The following VWA1 variants were observed in gnomAD, a reference collection of about 807,000 sequenced individuals.
The protein encoded by VWA1 is von Willebrand factor A domain containing 1.
A neutral mutation model predicts 14.9 loss-of-function variants in VWA1; 12 were observed. The observed-to-expected ratio is 0.80, with a 90% CI of 0.52 to 1.30. The LOEUF is 1.30. Among genes scored for constraint, VWA1 ranks in the 50% most tolerant of loss-of-function variants. The pLI is 0.00. For synonymous variants in VWA1, 368 were observed against 310.7 expected (o/e 1.18, Z -1.94); for missense variants, 800 against 649.1 (o/e 1.23, Z -2.53).
In VWA1 at chr1:1,439,602, C is replaced by CGCAACTG. The variant is rs1381995474; in HGVS notation, c.1154_1160dup (p.Cys387TrpfsTer60). ...GCAGCGGGTGGAGGTGCCCGCGGGC[C>CGCAACTG]GCAACTGCACCACGCTGCAGGGCCT... On this transcript the variant is annotated frameshift_variant, in exon 3 of 3. Coordinates refer to ENST00000476993, the MANE Select transcript of VWA1 (RefSeq NM_022834.5). LOFTEE classifies it low-confidence loss of function (END_TRUNC). The CGCAACTG allele has an allele frequency of 7.7e-7, 1 of 1,300,478 alleles. No individual in the cohort carries two copies. The highest frequency in any genetic ancestry group is 9.8e-7 in the Non-Finnish European group (1 of 1,024,082). The allele number at this position is 1,300,478 out of a possible 1,614,324, so 80.6% of individuals were successfully genotyped here.
At chr1:1,436,183 G>C (rs1226813442) in intron 1 of VWA1, among the ~76,000 whole-genome samples, 6 of 152,186 alleles carry the variant, frequency 3.9e-5, no homozygotes, top group Non-Finnish European at 7.4e-5. Flanking sequence ...TCGCCCCACC[G>C]CACTGGGGAA....
chr1:1,437,805 C>T (rs570013389), intron 2 of VWA1, among the ~76,000 whole-genome samples: 1 of 152,332 alleles, frequency 6.6e-6, no homozygotes, highest in South Asian at 2.1e-4. Context: ...GCTTCCAAGT[C>T]TGGGGACTCT....
Position 1,439,629 on chromosome 1 carries a change from G to A in VWA1, c.1180G>A (p.Ala394Thr). The A allele has an allele frequency of 7.6e-7, 1 of 1,313,550 alleles. No homozygotes were observed. The highest frequency in any genetic ancestry group is 9.7e-7 in the Non-Finnish European group (1 of 1,027,990). The allele number at this position is 1,313,550 out of a possible 1,614,324, so 81.4% of individuals were successfully genotyped here. A position where few individuals can be genotyped will look rare whatever the true frequency, so the allele number is the denominator to read the frequency against. ...CAACTGCACCACGCTGCAGGGCCTG[G>A]CGCCGGGCACCGCCTACCTGGTGAC... The part of the protein sequence containing the change: ...GRNCTTLQGL[A>T]PGTAYLVTVT... The change falls in exon 3 of 3, where the codon GCG (alanine) becomes ACG (threonine). Residue 394 changes from alanine to threonine, a missense_variant. Physicochemically the swap from Ala to Thr is moderately conservative, Grantham distance 58. Transcript: ENST00000476993.
At position 1,441,019 on chromosome 1, in the gene VWA1, C is replaced by T. The variant is rs566724011; in HGVS notation, c.*1232C>T. On this transcript the variant is annotated 3_prime_UTR_variant, in exon 3 of 3. Coordinates refer to ENST00000476993, the MANE Select transcript of VWA1 (RefSeq NM_022834.5). ...GGCTGGGGCCTCTGCAGGGCCATTC[C>T]CACCGCAGTCTCTGCCACGGCCCGG... 7 of 152,134 alleles carry T rather than the reference C, an allele frequency of 4.6e-5. No homozygotes were observed. The South Asian group carries it at 1.5e-3, about 32-fold the overall frequency. 9.4% of individuals were successfully genotyped at this position (152,134 alleles called of 1,614,324 possible).
In VWA1 at chr1:1,439,384, G is replaced by A. The variant is rs1351798333; in HGVS notation, c.935G>A (p.Gly312Asp). ...GGTGAGGCAGGGCCGGGGGCTTCGG[G>A]CCCGGAGTCGGGGGCTGGGCCGGCC... ...RPGEAGPGASGPESGAGPAPT... is the reference protein window; with the variant it reads ...RPGEAGPGASDPESGAGPAPT... The change falls in exon 3 of 3, where the codon GGC becomes GAC. Residue 312 changes from glycine (G) to aspartate (D), a missense_variant. Transcript: ENST00000476993. 1.3e-6 allele frequency: 2 copies of A among 1,487,308 alleles called. No individual in the cohort carries two copies. The highest frequency in any genetic ancestry group is 2.7e-5 in the East Asian group (1 of 37,052). The allele number at this position is 1,487,308 out of a possible 1,614,324, so 92.1% of individuals were successfully genotyped here.
rs561582616 is a variant in VWA1, at chr1:1,441,846, A to T, written c.*2059A>T. ...CAGACTCACATGAGAAGCTGGGAGG[A>T]GCTCCAGCTCTGCAATCCCGAGAGG... On this transcript the variant is annotated 3_prime_UTR_variant, in exon 3 of 3. Transcript: ENST00000476993. The T allele has an allele frequency of 3.3e-5, 5 of 152,216 alleles. No individual in the cohort carries two copies. In the East Asian group the frequency reaches 9.7e-4, roughly 29 times the overall value. 9.4% of individuals were successfully genotyped at this position (152,216 alleles called of 1,614,324 possible).
At chr1:1,438,453 C>T (rs1206394834) in intron 2 of VWA1, among the ~76,000 whole-genome samples, 1 of 152,178 alleles carries the variant, frequency 6.6e-6, no homozygotes, top group Non-Finnish European at 1.5e-5. Flanking sequence ...AGGCACCCAG[C>T]ACTGCAGGAG....
In VWA1 at chr1:1,439,049, C is replaced by T. The variant is rs565323401; in HGVS notation, c.632-32C>T. 5.0e-6 allele frequency: 8 copies of T among 1,585,614 alleles called. No individual in the cohort carries two copies. The Admixed American group carries it at 5.1e-5, about 10-fold the overall frequency. On this transcript the variant is annotated intron_variant, in intron 2 of 2. Coordinates refer to ENST00000476993, the MANE Select transcript of VWA1 (RefSeq NM_022834.5). ...CTCCAGCAGCGGAGGAGGAACTGAC[C>T]GCTGTTCCCTGACCCCCTGCACCAC...
chr1:1,436,952 G>A lies in VWA1; in HGVS notation c.99G>A (p.Gly33=), dbSNP rs756713794. The change falls in exon 2 of 3, where the codon GGG becomes GGA. Residue 33 remains glycine, a synonymous_variant. Coordinates refer to ENST00000476993, the MANE Select transcript of VWA1 (RefSeq NM_022834.5). ...ERGPPASAPR[G]DLMFLLDSSA... The stretch of plus-strand genomic sequence containing the variant: ...GTCCACCAGCATCAGCCCCCCGAGG[G>A]GACCTGATGTTCCTGCTGGACAGCT... 6.2e-7 allele frequency: 1 copy of A among 1,609,350 alleles called. No individual in the cohort carries two copies. The highest frequency in any genetic ancestry group is 8.5e-7 in the Non-Finnish European group (1 of 1,177,584).
chr1:1,435,794 G>C lies in VWA1; in HGVS notation c.46G>C (p.Ala16Pro). The change falls in exon 1 of 3, where the codon GCG becomes CCG. Residue 16 changes from alanine to proline, a missense_variant. Coordinates refer to ENST00000476993, the MANE Select transcript of VWA1 (RefSeq NM_022834.5). The stretch of plus-strand genomic sequence containing the variant: ...CGGCCTGGCCCTGAGCTTGCGGCTG[G>C]CGCTGGCGCGGAGCGGCGCGGAGCG... The part of the protein sequence containing the change: ...ALGLALSLRL[A>P]LARSGAERGP... 8.3e-7 allele frequency: 1 copy of C among 1,207,486 alleles called. No homozygotes were observed. Among genetic ancestry groups the C allele is most frequent in the Non-Finnish European group, 1.0e-6 (1 of 968,810 alleles). The allele number at this position is 1,207,486 out of a possible 1,614,324, so 74.8% of individuals were successfully genotyped here.
In VWA1 at chr1:1,439,985, G is replaced by C. The variant is rs963383444; in HGVS notation, c.*198G>C. On this transcript the variant is annotated 3_prime_UTR_variant, in exon 3 of 3. Transcript: ENST00000476993. ...GCCTGCCCTCCAGGGCTGGGGCCTC[G>C]CCTGGCGGGACCCCGCAGCAGCCCC... The C allele has an allele frequency of 1.8e-6, 1 of 566,536 alleles. No individual in the cohort carries two copies. Among genetic ancestry groups the C allele is most frequent in the Non-Finnish European group, 2.3e-6 (1 of 432,306 alleles). 35.1% of individuals were successfully genotyped at this position (566,536 alleles called of 1,614,324 possible).
At position 1,439,633 on chromosome 1, in the gene VWA1, C is replaced by T. The variant is rs1638617654; in HGVS notation, c.1184C>T (p.Pro395Leu). The part of the protein sequence containing the change: ...RNCTTLQGLA[P>L]GTAYLVTVTA... ...TGCACCACGCTGCAGGGCCTGGCGC[C>T]GGGCACCGCCTACCTGGTGACCGTG... Residue 395 changes from proline (P) to leucine (L), a missense_variant, in exon 3 of 3, where the codon CCG becomes CTG. Transcript: ENST00000476993. 9 of 1,312,930 alleles carry T rather than the reference C, an allele frequency of 6.9e-6. No individual in the cohort carries two copies. The highest frequency in any genetic ancestry group is 8.8e-6 in the Non-Finnish European group (9 of 1,026,814). 81.3% of individuals were successfully genotyped at this position (1,312,930 alleles called of 1,614,324 possible).
In VWA1 at chr1:1,440,776, CT is replaced by C. The variant is rs1638654422; in HGVS notation, c.*990del. On this transcript the variant is annotated 3_prime_UTR_variant, in exon 3 of 3. Coordinates refer to ENST00000476993, the MANE Select transcript of VWA1 (RefSeq NM_022834.5). ...ATCAGATGTACACCGAGCCTGCAGT[CT>C]CGCTAGGATGCTTTACTCCTCCACA... 6.3e-6 allele frequency: 1 copy of C among 157,996 alleles called. No individual in the cohort carries two copies. The highest frequency in any genetic ancestry group is 2.4e-5 in the African/African-American group (1 of 41,466). 9.8% of individuals were successfully genotyped at this position (157,996 alleles called of 1,614,324 possible). A position where few individuals can be genotyped will look rare whatever the true frequency, so the allele number is the denominator to read the frequency against.
rs1176547475 is a variant in VWA1 at position 1,439,212 on chromosome 1, G to A, written c.763G>A (p.Ala255Thr). 7 of 1,606,844 alleles carry A rather than the reference G, an allele frequency of 4.4e-6. No individual in the cohort carries two copies. Among genetic ancestry groups the A allele is most frequent in the Non-Finnish European group, 5.9e-6 (7 of 1,179,172 alleles). The stretch of plus-strand genomic sequence containing the variant: ...GCTGGTGCCCAGCGCCCAGCCGGGG[G>A]CTGCAAGACGCCAGCAGCTGCCAGG... ...LELVPSAQPGAARRQQLPGNA... is the reference protein window; with the variant it reads ...LELVPSAQPGTARRQQLPGNA... Residue 255 changes from alanine to threonine, a missense_variant, in exon 3 of 3, where the codon GCT (alanine) becomes ACT (threonine). Coordinates refer to ENST00000476993, the MANE Select transcript of VWA1 (RefSeq NM_022834.5).
Position 1,439,374 on chromosome 1 carries a change from G to A in VWA1, c.925G>A (p.Gly309Arg), listed in dbSNP as rs530355402. 8.0e-6 allele frequency: 12 copies of A among 1,507,660 alleles called. No individual in the cohort carries two copies. The South Asian group carries it at 1.4e-4, about 17-fold the overall frequency. 93.4% of individuals were successfully genotyped at this position (1,507,660 alleles called of 1,614,324 possible). ...VRTRPGEAGP[G>R]ASGPESGAGP... ...CACGCGGCCCGGTGAGGCAGGGCCGGGGGCTTCGGGCCCGGAGTCGGGGGC... is the reference window on the plus strand; with the variant it reads ...CACGCGGCCCGGTGAGGCAGGGCCGAGGGCTTCGGGCCCGGAGTCGGGGGC... Residue 309 changes from glycine (G) to arginine (R), a missense_variant, in exon 3 of 3, where the codon GGG (glycine) becomes AGG (arginine). By Grantham distance (125) the Gly-to-Arg change is moderately radical. Transcript: ENST00000476993.
rs1241241848 is a variant in VWA1 at position 1,435,712 on chromosome 1, G to A, written c.-37G>A. 3.4e-6 allele frequency: 4 copies of A among 1,185,664 alleles called. No homozygotes were observed. Among genetic ancestry groups the A allele is most frequent in the Non-Finnish European group, 4.2e-6 (4 of 952,712 alleles). The allele number at this position is 1,185,664 out of a possible 1,614,324, so 73.4% of individuals were successfully genotyped here. A position where few individuals can be genotyped will look rare whatever the true frequency, so the allele number is the denominator to read the frequency against. On this transcript the variant is annotated 5_prime_UTR_variant, in exon 1 of 3. Coordinates refer to ENST00000476993, the MANE Select transcript of VWA1 (RefSeq NM_022834.5). ...TGCAGCCCCGAGCGAGCGAGCGAGC[G>A]AGCGAGTTGCCGAGCGCGCCCCGTC... is the stretch of plus-strand genomic sequence containing the variant.
chr1:1,439,545 G>C lies in VWA1; in HGVS notation c.1096G>C (p.Val366Leu). ...CTCAGCCGCGGCGCTCGGCTACCAC[G>C]TGCAGTTCGGGCCGCTGCGGGGCGG... ...LGSAAALGYH[V>L]QFGPLRGGEA... The change falls in exon 3 of 3, where the codon GTG (valine) becomes CTG (leucine). Residue 366 changes from valine (V) to leucine (L), a missense_variant. Val to Leu is a conservative substitution (Grantham distance 32). Coordinates refer to ENST00000476993, the MANE Select transcript of VWA1 (RefSeq NM_022834.5). 1 of 1,342,014 alleles carries C rather than the reference G, an allele frequency of 7.5e-7. No homozygotes were observed. The highest frequency in any genetic ancestry group is 9.5e-7 in the Non-Finnish European group (1 of 1,050,124). 83.1% of individuals were successfully genotyped at this position (1,342,014 alleles called of 1,614,324 possible).
chr1:1,436,685 T>A (rs907712532), intron 1 of VWA1: 2 of 466,932 alleles, frequency 4.3e-6, no homozygotes, highest in Admixed American at 3.9e-5. Flanking sequence ...GAGCGGAGAG[T>A]CGCCCTCTCA....
At chr1:1,438,730 C>G (rs1306064819) in intron 2 of VWA1, among the ~76,000 whole-genome samples, 1 of 152,122 alleles carries the variant, frequency 6.6e-6, no homozygotes, top group African/African-American at 2.4e-5. Context: ...GGCTGGTCCT[C>G]TGCTCTCAGG....
Sources: allele counts gnomAD v4.1 joint callset (sites outside exome capture counted in the v4.1 genomes callset), GRCh38; gene constraint gnomAD v4.1.1; transcripts MANE v1.5; gene names NCBI Gene and HGNC (gene_info 2026-07-23, HGNC 2026-07-21).